TBC1D22B: variants seen among roughly 807,000 people sequenced by gnomAD.
TBC1D22B encodes chromosome 6 open reading frame 197.
Under a neutral mutation model 69.1 loss-of-function variants are expected in TBC1D22B, and 32 were observed. The ratio of observed to expected loss-of-function variants is 0.46; its 90% CI spans 0.35 to 0.62. The LOEUF (loss-of-function observed/expected upper bound fraction) is 0.62, where lower values mean the gene tolerates loss of function less well. Among genes scored for constraint, TBC1D22B ranks in the 20% least tolerant of loss-of-function variants. The pLI, the probability that TBC1D22B is intolerant of heterozygous loss-of-function variation, is 0.00. For missense variants in TBC1D22B, 462 were observed against 630.9 expected (o/e 0.73, Z 2.87); for synonymous variants, 206 against 229.8 (o/e 0.90, Z 0.94).
At chr6:37,279,843 G>C (rs1287615115) in intron 3 of TBC1D22B, among the ~76,000 whole-genome samples, 3 of 152,208 alleles carry the variant, frequency 2.0e-5, no homozygotes, top group African/African-American at 7.2e-5. Flanking sequence ...TGACACCCAG[G>C]TGTTGTTTGC....
chr6:37,281,086 C>A (rs974528552), intron 3 of TBC1D22B, among the ~76,000 whole-genome samples: 1 of 152,150 alleles, frequency 6.6e-6, no homozygotes, highest in Non-Finnish European at 1.5e-5. Context: ...AAGGCCCAGC[C>A]GTGTAAAGAA....
intron 2 of TBC1D22B, among the ~76,000 whole-genome samples, chr6:37,274,057 G>C (rs1316589232): frequency 4.6e-5 from 7 of 152,220 alleles, no homozygotes; most frequent in Admixed American, 3.3e-4. Context: ...TTATAGCTCA[G>C]ATAAAGCTAG....
Position 37,257,988 on chromosome 6 carries a change from C to G in TBC1D22B, c.56+15C>G, listed in dbSNP as rs1402988666. ...CTGCCGGGGAGGTGAGCCCAGGACG[C>G]TGAGAGGGATAGGGGATTGGACCAA... On this transcript the variant is annotated intron_variant, in intron 1 of 12. Transcript: ENST00000373491. 2 of 1,613,746 alleles carry G rather than the reference C, an allele frequency of 1.2e-6. No homozygotes were observed. Among genetic ancestry groups the G allele is most frequent in the Admixed American group, 3.3e-5 (2 of 59,980 alleles).
In TBC1D22B at chr6:37,317,345, G is replaced by T. The variant is rs551720291; in HGVS notation, c.1389+139G>T. On this transcript the variant is annotated intron_variant, in intron 12 of 12. Transcript: ENST00000373491. ...AAGGGAGAAGGGGTGCTCTGAAGGG[G>T]TCGTCCCTCTTAGTTGGCAGGAAGT... 2.1e-5 allele frequency: 17 copies of T among 814,738 alleles called. No homozygotes were observed. In the East Asian group the frequency reaches 4.5e-4, roughly 22 times the overall value. The allele number at this position is 814,738 out of a possible 1,614,324, so 50.5% of individuals were successfully genotyped here. A position where few individuals can be genotyped will look rare whatever the true frequency, so the allele number is the denominator to read the frequency against.
At chr6:37,330,074 T>C (rs1451564230) in intron 12 of TBC1D22B, among the ~76,000 whole-genome samples, 3 of 152,238 alleles carry the variant, frequency 2.0e-5, no homozygotes, top group Non-Finnish European at 1.5e-5. Flanking sequence ...GAGTGGCCAC[T>C]GGCATTAGTG....
intron 12 of TBC1D22B, among the ~76,000 whole-genome samples, chr6:37,330,222 C>CTTTTT (rs67372032): frequency 0.016 from 1,214 of 75,508 alleles, 64 homozygotes; most frequent in Non-Finnish European, 0.023. Context: ...TTGTCCGTTT[C>CTTTTT]TTTTTTTTTT....
chr6:37,272,218 C>T (rs1434835782), intron 2 of TBC1D22B, among the ~76,000 whole-genome samples: 1 of 151,906 alleles, frequency 6.6e-6, no homozygotes, highest in Admixed American at 6.5e-5. Flanking sequence ...GCGTGCACCA[C>T]CACATCTGGC....
chr6:37,320,380 C>T (rs1768204377), intron 12 of TBC1D22B, among the ~76,000 whole-genome samples: 1 of 152,140 alleles, frequency 6.6e-6, no homozygotes, highest in Non-Finnish European at 1.5e-5. Context: ...TACCTACCTC[C>T]TTGGGCTATG....
chr6:37,261,737 T>C (rs1766105436), intron 1 of TBC1D22B, among the ~76,000 whole-genome samples: 1 of 152,074 alleles, frequency 6.6e-6, no homozygotes, highest in Non-Finnish European at 1.5e-5. Flanking sequence ...AAACTGAAAT[T>C]GAAAAGCTTT....
Position 37,269,617 on chromosome 6 carries a change from A to G in TBC1D22B, c.80A>G (p.Gln27Arg). 6.2e-7 allele frequency: 1 copy of G among 1,614,162 alleles called. No individual in the cohort carries two copies. The highest frequency in any genetic ancestry group is 8.5e-7 in the Non-Finnish European group (1 of 1,180,026). The change falls in exon 2 of 13, where the codon CAG (glutamine) becomes CGG (arginine). Residue 27 changes from glutamine to arginine, a missense_variant. This residue lies in a region of TBC1D22B where 237 missense variants were observed against 255.4 expected (regional missense o/e 0.93). Coordinates refer to ENST00000373491, the MANE Select transcript of TBC1D22B (RefSeq NM_017772.4). ...AGCATTCAGCCTGTATATGGAGCAC[A>G]GCATCCTCCTCTTGACCCACGGCTC... is the stretch of plus-strand genomic sequence containing the variant. ...PGSIQPVYGA[Q>R]HPPLDPRLTK... is the part of the protein sequence containing the mutation.
chr6:37,267,032 G>A (rs1357305910), intron 1 of TBC1D22B, among the ~76,000 whole-genome samples: 1 of 142,784 alleles, frequency 7.0e-6, no homozygotes, highest in Non-Finnish European at 1.5e-5. Context: ...AAACTCCTGG[G>A]TTCAAGTAAT....
intron 8 of TBC1D22B, among the ~76,000 whole-genome samples, chr6:37,307,145 C>A (rs1051728239): frequency 1.3e-5 from 2 of 152,142 alleles, no homozygotes; most frequent in African/African-American, 4.8e-5. Flanking sequence ...GCATAACACC[C>A]AACAATACGT....
chr6:37,310,761 T>C (rs748343240), intron 8 of TBC1D22B, among the ~76,000 whole-genome samples: 7 of 152,262 alleles, frequency 4.6e-5, no homozygotes, highest in Non-Finnish European at 1.0e-4. Flanking sequence ...TACAAAGTCT[T>C]CTTTATTCTT....
chr6:37,282,501 G>C, intron 4 of TBC1D22B, 137 bp downstream of exon 4: 3 of 1,068,538 alleles, frequency 2.8e-6, no homozygotes, highest in Non-Finnish European at 2.6e-6. Flanking sequence ...GCAGTGACAT[G>C]CAGGTATTAA....
At chr6:37,287,928 G>A (rs1016050849) in intron 7 of TBC1D22B, among the ~76,000 whole-genome samples, 6 of 152,174 alleles carry the variant, frequency 3.9e-5, no homozygotes, top group Non-Finnish European at 8.8e-5. Flanking sequence ...GACCTAACAA[G>A]TTAATGAAGT....
At chr6:37,326,503 C>T (rs908221862) in intron 12 of TBC1D22B, among the ~76,000 whole-genome samples, 1 of 149,962 alleles carries the variant, frequency 6.7e-6, no homozygotes, top group African/African-American at 2.5e-5. Context: ...AGTAAGAAAT[C>T]TTAGGCTGGG....
At chr6:37,297,085 C>T (rs1767406265) in intron 8 of TBC1D22B, among the ~76,000 whole-genome samples, 1 of 152,182 alleles carries the variant, frequency 6.6e-6, no homozygotes, top group South Asian at 2.1e-4. Flanking sequence ...CTTCAGCCTC[C>T]TAAAGTGCTG....
intron 8 of TBC1D22B, among the ~76,000 whole-genome samples, chr6:37,303,251 T>G (rs771217610): frequency 9.2e-5 from 14 of 152,176 alleles, no homozygotes; most frequent in Non-Finnish European, 1.8e-4. Flanking sequence ...TTTGCTATTC[T>G]TAGGCTCCTC....
intron 8 of TBC1D22B, among the ~76,000 whole-genome samples, chr6:37,308,652 G>A (rs1260554279): frequency 1.3e-5 from 2 of 152,162 alleles, no homozygotes; most frequent in African/African-American, 4.8e-5. Context: ...TACCGAGCAT[G>A]GCACCTTACC....
Sources: allele counts gnomAD v4.1 joint callset (sites outside exome capture counted in the v4.1 genomes callset), GRCh38; gene constraint gnomAD v4.1.1; regional missense constraint gnomAD v4.1.1; transcripts MANE v1.5; gene names NCBI Gene and HGNC (gene_info 2026-07-23, HGNC 2026-07-21).